Variants in GRID2 observed in about 807,000 individuals in gnomAD.
GRID2 encodes glutamate receptor ionotropic, delta-2.
A neutral mutation model predicts 114.8 loss-of-function variants in GRID2; 33 were observed. The ratio of observed to expected loss-of-function variants is 0.29; its 90% confidence interval spans 0.22 to 0.38. GRID2 has a LOEUF of 0.38. GRID2 is among the 10% of genes least tolerant of loss of function. The pLI is 1.00. For missense variants in GRID2, 1,184 were observed against 1,257.7 expected, an observed-to-expected ratio of 0.94 and a Z score of 0.89; for synonymous variants, 505 against 449.9, an observed-to-expected ratio of 1.12 and a Z score of -1.55.
chr4:92,483,605 A>G (rs112245783), intron 1 of GRID2, among the ~76,000 whole-genome samples: 54 of 152,314 alleles, frequency 3.5e-4, no homozygotes, highest in African/African-American at 1.3e-3. Flanking sequence ...CACAAGATTC[A>G]GGGAGCAATC....
At chr4:92,358,128 G>A (rs1016697632) in intron 1 of GRID2, among the ~76,000 whole-genome samples, 2 of 151,778 alleles carry the variant, frequency 1.3e-5, no homozygotes, top group Non-Finnish European at 2.9e-5. Flanking sequence ...AGTCAAAACA[G>A]AGAGGCATGA....
rs767301038 is a variant in GRID2 at position 93,626,438 on chromosome 4, A to G, written c.2360+3A>G. The G allele has an allele frequency of 2.5e-6, 4 of 1,592,910 alleles. No individual in the cohort carries two copies. The highest frequency in any genetic ancestry group is 2.6e-6 in the Non-Finnish European group (3 of 1,163,878). On this transcript the variant is annotated splice_donor_region_variant and intron_variant, in intron 14 of 15. Coordinates refer to ENST00000282020, the MANE Select transcript of GRID2 (RefSeq NM_001510.4). The stretch of plus-strand genomic sequence containing the variant: ...TACCGAGATGTTTTTTCACAAAGGT[A>G]AGATTTGTGTATGACCAAATAAGGG...
chr4:93,412,659 C>A (rs1178546247), intron 9 of GRID2, among the ~76,000 whole-genome samples: 1 of 152,006 alleles, frequency 6.6e-6, no homozygotes, highest in African/African-American at 2.4e-5. Flanking sequence ...TATACATGTG[C>A]CATGTTAGTT....
intron 12 of GRID2, among the ~76,000 whole-genome samples, chr4:93,509,183 T>C (rs1313309013): frequency 6.6e-6 from 1 of 152,068 alleles, no homozygotes; most frequent in Non-Finnish European, 1.5e-5. Context: ...AATGGATTAG[T>C]GGTGAGTGAG....
At chr4:92,502,558 T>G (rs954248560) in intron 1 of GRID2, among the ~76,000 whole-genome samples, 12 of 152,022 alleles carry the variant, frequency 7.9e-5, no homozygotes, top group Admixed American at 2.0e-4. Flanking sequence ...ATCGAGGGTA[T>G]AGTTTTTATG....
intron 11 of GRID2, among the ~76,000 whole-genome samples, chr4:93,475,720 C>T (rs1725258412): frequency 6.6e-6 from 1 of 152,080 alleles, no homozygotes; most frequent in African/African-American, 2.4e-5. Flanking sequence ...TGCTGCTTAC[C>T]CTTTGAACTT....
intron 2 of GRID2, among the ~76,000 whole-genome samples, chr4:93,017,649 T>A (rs1382578280): frequency 2.0e-5 from 3 of 151,330 alleles, no homozygotes; most frequent in Non-Finnish European, 4.4e-5. Flanking sequence ...CTACTAGAAA[T>A]ACAAAAATTA....
At chr4:92,636,298 C>A (rs1029233244) in intron 2 of GRID2, among the ~76,000 whole-genome samples, 5 of 151,560 alleles carry the variant, frequency 3.3e-5, no homozygotes, top group African/African-American at 9.7e-5. Context: ...AGTATAGAAG[C>A]CTTTTTGGCT....
chr4:93,780,359 A>C (rs1426226198), intron 1 of GRID2, among the ~76,000 whole-genome samples: 1 of 152,230 alleles, frequency 6.6e-6, no homozygotes, highest in Non-Finnish European at 1.5e-5. Context: ...TGTCTAAAGA[A>C]TAGCGAGACG....
chr4:92,390,787 C>G (rs989421712), intron 1 of GRID2, among the ~76,000 whole-genome samples: 1 of 151,998 alleles, frequency 6.6e-6, no homozygotes, highest in Non-Finnish European at 1.5e-5. Flanking sequence ...CCTTTTATTC[C>G]TAGCTCTTAT....
At chr4:93,389,780 G>GT (rs796347920) in intron 8 of GRID2, among the ~76,000 whole-genome samples, 162 of 147,112 alleles carry the variant, frequency 1.1e-3, no homozygotes, top group Middle Eastern at 3.6e-3. Flanking sequence ...GTTGAAGCAA[G>GT]TTTTTTTTTT....
At chr4:93,125,938 G>A (rs909573727) in intron 4 of GRID2, among the ~76,000 whole-genome samples, 1 of 152,144 alleles carries the variant, frequency 6.6e-6, no homozygotes, top group African/African-American at 2.4e-5. Flanking sequence ...TTTGATTGCT[G>A]AGTGGCTGTT....
At chr4:92,835,759 A>G (rs984509042) in intron 2 of GRID2, among the ~76,000 whole-genome samples, 4 of 152,168 alleles carry the variant, frequency 2.6e-5, no homozygotes, top group African/African-American at 9.6e-5. Context: ...AAATGTATGC[A>G]TACATATAAA....
intron 12 of GRID2, among the ~76,000 whole-genome samples, chr4:93,505,605 T>A (rs1024932157): frequency 6.7e-6 from 1 of 148,718 alleles, no homozygotes; most frequent in Admixed American, 6.7e-5. Flanking sequence ...TTATAATATA[T>A]ATTTTATTAG....
chr4:93,005,522 C>G (rs1266590643), intron 2 of GRID2, among the ~76,000 whole-genome samples: 1 of 152,008 alleles, frequency 6.6e-6, no homozygotes, highest in African/African-American at 2.4e-5. Context: ...TCGGAACTCT[C>G]AAATAACTTA....
chr4:93,104,877 C>A (rs1172922765), intron 3 of GRID2, among the ~76,000 whole-genome samples: 1 of 151,942 alleles, frequency 6.6e-6, no homozygotes, highest in African/African-American at 2.4e-5. Context: ...CCTGAGGAAT[C>A]GCCACACTGA....
At chr4:92,606,341 TGAA>T (rs150932676) in intron 2 of GRID2, among the ~76,000 whole-genome samples, 8,600 of 152,064 alleles carry the variant, frequency 0.057, 278 homozygotes, top group East Asian at 0.12. Flanking sequence ...GTTTTACAGA[TGAA>T]GAAAATGAGC....
intron 2 of GRID2, among the ~76,000 whole-genome samples, chr4:93,038,289 G>C (rs1021121034): frequency 3.3e-5 from 5 of 152,060 alleles, no homozygotes; most frequent in Non-Finnish European, 7.4e-5. Context: ...GAATGCATGT[G>C]ATTTTTGCAC....
At chr4:92,665,208 G>A (rs1175411135) in intron 2 of GRID2, among the ~76,000 whole-genome samples, 1 of 147,448 alleles carries the variant, frequency 6.8e-6, no homozygotes, top group African/African-American at 2.5e-5. Flanking sequence ...GCTTTTTTGT[G>A]TGGTTACCAT....
Sources: allele counts gnomAD v4.1 joint callset (sites outside exome capture counted in the v4.1 genomes callset), GRCh38; gene constraint gnomAD v4.1.1; transcripts MANE v1.5; gene names NCBI Gene and HGNC (gene_info 2026-07-23, HGNC 2026-07-21).